The following DPP10 variants were observed in gnomAD, a reference collection of about 807,000 sequenced individuals.
DPP10 encodes dipeptidyl peptidase like 10.
A neutral mutation model predicts 120.9 loss-of-function variants in DPP10; 33 were observed. The ratio of observed to expected loss-of-function variants is 0.27; its 90% CI spans 0.21 to 0.37. DPP10 has a LOEUF of 0.37. DPP10 is among the 10% of genes least tolerant of loss of function. DPP10 has a pLI of 1.00. For missense variants in DPP10, 816 were observed against 942.8 expected, an observed-to-expected ratio of 0.87 and a Z score of 1.76; for synonymous variants, 337 against 326.1, an observed-to-expected ratio of 1.03 and a Z score of -0.36.
intron 1 of DPP10, among the ~76,000 whole-genome samples, chr2:115,306,758 C>G (rs1266407218): frequency 6.6e-6 from 1 of 152,048 alleles, no homozygotes; most frequent in Non-Finnish European, 1.5e-5. Flanking sequence ...ATGTCTCGCT[C>G]AAATTTGTTT....
intron 3 of DPP10, among the ~76,000 whole-genome samples, chr2:115,354,926 AC>A (rs2064275049): frequency 6.6e-6 from 1 of 152,170 alleles, no homozygotes; most frequent in Non-Finnish European, 1.5e-5. Flanking sequence ...TATATGTACC[AC>A]ATTTTCTTCA....
At chr2:114,899,425 CA>C (rs1693347560) in intron 1 of DPP10, among the ~76,000 whole-genome samples, 1 of 152,102 alleles carries the variant, frequency 6.6e-6, no homozygotes, top group Non-Finnish European at 1.5e-5. Flanking sequence ...ACAGTACCAG[CA>C]CCTCAGAAGC....
chr2:114,843,834 A>G (rs1415262009), intron 1 of DPP10, among the ~76,000 whole-genome samples: 1 of 151,924 alleles, frequency 6.6e-6, no homozygotes, highest in Non-Finnish European at 1.5e-5. Context: ...TAGATTAATC[A>G]GCTACCATTA....
chr2:115,429,164 G>A (rs1372633147), intron 3 of DPP10, among the ~76,000 whole-genome samples: 1 of 151,802 alleles, frequency 6.6e-6, no homozygotes, highest in East Asian at 1.9e-4. Flanking sequence ...GCATTTTGTA[G>A]TTTTTTGCTT....
At chr2:114,736,130 C>T (rs1281019710) in intron 1 of DPP10, among the ~76,000 whole-genome samples, 1 of 151,842 alleles carries the variant, frequency 6.6e-6, no homozygotes, top group Admixed American at 6.6e-5. Flanking sequence ...ACTCTTCTTC[C>T]ACTACTGTGA....
intron 1 of DPP10, among the ~76,000 whole-genome samples, chr2:115,204,574 G>T (rs1431542790): frequency 1.3e-5 from 2 of 152,124 alleles, no homozygotes; most frequent in Non-Finnish European, 2.9e-5. Context: ...CCTCATTTTA[G>T]AAATGGGAAT....
rs1397794041 is a variant in DPP10 at position 114,804,840 on chromosome 2, G to A, written c.60+362002G>A. ...TAATGCTGAAATGAGTTAAGACTTT[G>A]CAGGACTGTTGGGAAGGCATGATTG... On this transcript the variant is annotated intron_variant, in intron 1 of 25. Coordinates refer to ENST00000410059, the MANE Select transcript of DPP10 (RefSeq NM_020868.6). 2.6e-5 allele frequency among the ~76,000 whole-genome samples: 4 copies of A among 152,146 alleles called. No homozygotes were observed. In the South Asian group the frequency reaches 8.3e-4, roughly 32 times the overall value.
intron 1 of DPP10, among the ~76,000 whole-genome samples, chr2:115,243,385 G>A (rs1329649391): frequency 6.6e-6 from 1 of 152,044 alleles, no homozygotes; most frequent in Non-Finnish European, 1.5e-5. Flanking sequence ...TTGATTGGCT[G>A]CAAGTCAACA....
intron 1 of DPP10, among the ~76,000 whole-genome samples, chr2:114,799,307 C>T (rs1041891045): frequency 6.6e-6 from 1 of 152,134 alleles, no homozygotes; most frequent in East Asian, 1.9e-4. Flanking sequence ...CTATAACACA[C>T]ACAATGCATG....
intron 5 of DPP10, among the ~76,000 whole-genome samples, chr2:115,590,274 C>CG (rs530068393): frequency 4.6e-5 from 7 of 151,670 alleles, no homozygotes; most frequent in Non-Finnish European, 8.8e-5. Context: ...CCTGTTACCT[C>CG]GTCATTTACA....
At position 115,560,654 on chromosome 2, in the gene DPP10, G is replaced by T. The variant is rs556711546; in HGVS notation, c.441+34682G>T. On this transcript the variant is annotated intron_variant, in intron 5 of 25. Transcript: ENST00000410059. The stretch of plus-strand genomic sequence containing the variant: ...TTCTGAGACAGGGTCTCCTTCTCTT[G>T]CCCAGGCTGGAGTGCAGTGGCACTA... Among the ~76,000 whole-genome samples, 3 of 149,908 alleles carry T rather than the reference G, an allele frequency of 2.0e-5. No homozygotes were observed. In the Admixed American group the frequency reaches 2.0e-4, roughly 10 times the overall value.
chr2:114,613,413 C>G (rs1434882388), intron 1 of DPP10, among the ~76,000 whole-genome samples: 2 of 152,088 alleles, frequency 1.3e-5, no homozygotes, highest in African/African-American at 4.8e-5. Flanking sequence ...AATTAAAACC[C>G]AACCTTTTCT....
chr2:115,531,940 G>A (rs985892873), intron 5 of DPP10, among the ~76,000 whole-genome samples: 4 of 152,014 alleles, frequency 2.6e-5, no homozygotes, highest in African/African-American at 4.8e-5. Context: ...AAATATATCC[G>A]TAGTTTTCAA....
At chr2:114,916,355 C>T (rs1394996921) in intron 1 of DPP10, among the ~76,000 whole-genome samples, 1 of 152,118 alleles carries the variant, frequency 6.6e-6, no homozygotes, top group East Asian at 1.9e-4. Flanking sequence ...AGAAAAAGCC[C>T]TGGATCAGAT....
At position 115,230,755 on chromosome 2, in the gene DPP10, A is replaced by G. The variant is rs1574091542; in HGVS notation, c.61-78484A>G. ...GCTTTTTCCGGTAAAAAAATTAATTATGAAAAATTGGAAACAACAGACACG... is the reference window on the plus strand; with the variant it reads ...GCTTTTTCCGGTAAAAAAATTAATTGTGAAAAATTGGAAACAACAGACACG... On this transcript the variant is annotated intron_variant, in intron 1 of 25. Transcript: ENST00000410059. 2.0e-5 allele frequency among the ~76,000 whole-genome samples: 3 copies of G among 152,166 alleles called. No homozygotes were observed. In the East Asian group the frequency reaches 5.8e-4, roughly 29 times the overall value.
chr2:114,824,814 T>C lies in DPP10; in HGVS notation c.60+381976T>C, dbSNP rs565950993. On this transcript the variant is annotated intron_variant, in intron 1 of 25. Transcript: ENST00000410059. Reference sequence around the variant, plus strand: ...TCTAAAGGAATATCTAAAAAGCTTATGTAATAAAGTTTCAGAAGACTAGGA... The same window carrying C: ...TCTAAAGGAATATCTAAAAAGCTTACGTAATAAAGTTTCAGAAGACTAGGA... Among the ~76,000 whole-genome samples, 49 of 152,290 alleles carry C rather than the reference T, an allele frequency of 3.2e-4. 1 individual carries two copies. In the Middle Eastern group the frequency reaches 0.01, roughly 32 times the overall value.
chr2:114,828,408 A>G (rs1216025982), intron 1 of DPP10: 1 of 152,222 alleles, frequency 6.6e-6, no homozygotes, highest in African/African-American at 2.4e-5. Context: ...ATGCATTAAT[A>G]TATACATAAA....
At chr2:115,830,201 T>C (rs1408855806) in intron 21 of DPP10, among the ~76,000 whole-genome samples, 1 of 151,762 alleles carries the variant, frequency 6.6e-6, no homozygotes, top group South Asian at 2.1e-4. Context: ...GCTAAAAAAG[T>C]ACAAAAATTG....
At chr2:115,556,964 A>G (rs1421151338) in intron 5 of DPP10, among the ~76,000 whole-genome samples, 1 of 152,194 alleles carries the variant, frequency 6.6e-6, no homozygotes, top group East Asian at 1.9e-4. Context: ...AAGTCACGGA[A>G]CAGTACAAAA....
Sources: gnomAD v4.1 joint callset for allele counts (sites outside exome capture counted in the v4.1 genomes callset) on GRCh38, gnomAD v4.1.1 for gene constraint, MANE v1.5 for transcripts, NCBI Gene and HGNC (gene_info 2026-07-23, HGNC 2026-07-21) for gene names.